ZNF804A: variants seen among roughly 807,000 people sequenced by gnomAD.
ZNF804A encodes zinc finger protein 804A.
A neutral mutation model predicts 16.5 loss-of-function variants in ZNF804A; 2 were observed. The observed-to-expected ratio is 0.12, with a 90% confidence interval of 0.05 to 0.38. The LOEUF is 0.38. Among genes scored for constraint, ZNF804A ranks in the 10% least tolerant of loss-of-function variants. The pLI is 0.99. For synonymous variants in ZNF804A, 534 were observed against 489.6 expected, an observed-to-expected ratio of 1.09 and a Z score of -1.20; for missense variants, 1,473 against 1,390.7, an observed-to-expected ratio of 1.06 and a Z score of -0.94.
At chr2:184,679,737 C>T (rs549465254) in intron 1 of ZNF804A, among the ~76,000 whole-genome samples, 3 of 152,234 alleles carry the variant, frequency 2.0e-5, no homozygotes, top group South Asian at 2.1e-4. Context: ...ATTTGGGCCC[C>T]GATGAGCATG....
intron 1 of ZNF804A, among the ~76,000 whole-genome samples, chr2:184,689,986 C>T (rs1322401611): frequency 1.3e-5 from 2 of 151,874 alleles, no homozygotes; most frequent in African/African-American, 2.4e-5. Flanking sequence ...TTTTATGGAA[C>T]AATTTTAATA....
chr2:184,701,542 C>A (rs958468728), intron 1 of ZNF804A, among the ~76,000 whole-genome samples: 4 of 151,712 alleles, frequency 2.6e-5, no homozygotes, highest in South Asian at 4.2e-4. Context: ...GTTTTGCCTG[C>A]CACTGCTTAC....
At chr2:184,796,541 C>CT (rs747270426) in intron 1 of ZNF804A, among the ~76,000 whole-genome samples, 7 of 150,246 alleles carry the variant, frequency 4.7e-5, no homozygotes, top group Non-Finnish European at 1.0e-4. Flanking sequence ...CTTGAATGAT[C>CT]TTTTTATTTC....
intron 1 of ZNF804A, among the ~76,000 whole-genome samples, chr2:184,692,667 A>G (rs1026917240): frequency 1.3e-5 from 2 of 152,164 alleles, no homozygotes; most frequent in Non-Finnish European, 2.9e-5. Flanking sequence ...AAATCTGTCT[A>G]TTTTATTGAT....
At chr2:184,614,289 T>A (rs1279620651) in intron 1 of ZNF804A, among the ~76,000 whole-genome samples, 1 of 152,146 alleles carries the variant, frequency 6.6e-6, no homozygotes, top group Non-Finnish European at 1.5e-5. Flanking sequence ...TAACTCAATA[T>A]AGATTAAAGA....
chr2:184,936,114 G>C lies in ZNF804A; in HGVS notation c.718G>C (p.Ala240Pro). Residue 240 changes from alanine to proline, a missense_variant, in exon 4 of 4, where the codon GCC becomes CCC. Physicochemically the swap from Ala to Pro is conservative, Grantham distance 27 (BLOSUM62 -1). Coordinates refer to ENST00000302277, the MANE Select transcript of ZNF804A (RefSeq NM_194250.2). Reference protein sequence around the residue: ...AAAFSEYSDDASVGKGFSRKS... With the variant: ...AAAFSEYSDDPSVGKGFSRKS... Reference sequence around the variant, plus strand: ...AGCCTTCTCTGAATACAGTGATGATGCCTCAGTGGGAAAAGGATTTAGCAG... The same window carrying C: ...AGCCTTCTCTGAATACAGTGATGATCCCTCAGTGGGAAAAGGATTTAGCAG... The C allele has an allele frequency of 4.3e-6, 7 of 1,614,044 alleles. No homozygotes were observed. The highest frequency in any genetic ancestry group is 5.9e-6 in the Non-Finnish European group (7 of 1,179,962).
intron 2 of ZNF804A, among the ~76,000 whole-genome samples, chr2:184,914,201 G>A (rs1403550424): frequency 6.6e-6 from 1 of 152,144 alleles, no homozygotes; most frequent in Non-Finnish European, 1.5e-5. Flanking sequence ...GATTCACTTA[G>A]AAGGATACAG....
chr2:184,822,765 T>C (rs1014095046), intron 1 of ZNF804A, among the ~76,000 whole-genome samples: 2 of 152,156 alleles, frequency 1.3e-5, no homozygotes, highest in African/African-American at 4.8e-5. Flanking sequence ...ACTTAGTAAG[T>C]CAATAGCAAT....
intron 2 of ZNF804A, among the ~76,000 whole-genome samples, chr2:184,867,148 T>C (rs1169595550): frequency 6.6e-6 from 1 of 152,080 alleles, no homozygotes; most frequent in Non-Finnish European, 1.5e-5. Flanking sequence ...CAACACTCTA[T>C]GTAAATGAGT....
At chr2:184,610,133 C>A (rs1259972871) in intron 1 of ZNF804A, among the ~76,000 whole-genome samples, 1 of 152,078 alleles carries the variant, frequency 6.6e-6, no homozygotes, top group Non-Finnish European at 1.5e-5. Context: ...GGCTGTTACT[C>A]GTAAGTCCAC....
chr2:184,646,083 A>C (rs1273119598), intron 1 of ZNF804A, among the ~76,000 whole-genome samples: 1 of 152,232 alleles, frequency 6.6e-6, no homozygotes, highest in Non-Finnish European at 1.5e-5. Flanking sequence ...CTGAGAGCAG[A>C]GGCCATTTTT....
intron 1 of ZNF804A, among the ~76,000 whole-genome samples, chr2:184,763,983 C>G (rs1694080943): frequency 6.6e-6 from 1 of 152,008 alleles, no homozygotes; most frequent in Non-Finnish European, 1.5e-5. Context: ...CTAACTTATA[C>G]TGTCCTCTCA....
chr2:184,812,909 T>C (rs1245317751), intron 1 of ZNF804A, among the ~76,000 whole-genome samples: 1 of 152,046 alleles, frequency 6.6e-6, no homozygotes, highest in Non-Finnish European at 1.5e-5. Flanking sequence ...AATAATGAAA[T>C]AATAACTCGT....
intron 2 of ZNF804A, among the ~76,000 whole-genome samples, chr2:184,876,285 A>G (rs373779964): frequency 5.3e-5 from 8 of 152,208 alleles, no homozygotes; most frequent in African/African-American, 1.9e-4. Flanking sequence ...GGTAATAGAA[A>G]TATTCATTTG....
At chr2:184,666,886 G>T (rs1376647971) in intron 1 of ZNF804A, among the ~76,000 whole-genome samples, 2 of 151,928 alleles carry the variant, frequency 1.3e-5, no homozygotes, top group Non-Finnish European at 2.9e-5. Context: ...AAATTGAATT[G>T]CAGAAAACTG....
intron 2 of ZNF804A, among the ~76,000 whole-genome samples, chr2:184,880,093 T>C (rs1298529099): frequency 3.3e-5 from 5 of 152,088 alleles, no homozygotes; most frequent in Admixed American, 6.6e-5. Flanking sequence ...CTGTTAAAAT[T>C]TATTGATCAT....
chr2:184,771,070 A>G (rs1196610904), intron 1 of ZNF804A, among the ~76,000 whole-genome samples: 1 of 152,112 alleles, frequency 6.6e-6, no homozygotes, highest in Non-Finnish European at 1.5e-5. Context: ...GTGGTATGCC[A>G]TACAGTATGA....
chr2:184,777,255 A>T (rs1694303376), intron 1 of ZNF804A, among the ~76,000 whole-genome samples: 1 of 151,652 alleles, frequency 6.6e-6, no homozygotes. Flanking sequence ...CCATTTTGAT[A>T]TACCATTTTG....
At chr2:184,783,461 T>C (rs1037888304) in intron 1 of ZNF804A, among the ~76,000 whole-genome samples, 3 of 151,922 alleles carry the variant, frequency 2.0e-5, no homozygotes, top group African/African-American at 7.2e-5. Context: ...CATTACAAAA[T>C]AAATTGTATT....
Sources: gnomAD v4.1 joint callset for allele counts (sites outside exome capture counted in the v4.1 genomes callset) on GRCh38, gnomAD v4.1.1 for gene constraint, MANE v1.5 for transcripts, NCBI Gene and HGNC (gene_info 2026-07-23, HGNC 2026-07-21) for gene names.